The following RBM47 variants were observed in gnomAD, a reference collection of about 807,000 sequenced individuals.
The protein encoded by RBM47 is RNA binding motif protein 47.
In RBM47, 21 loss-of-function variants were observed where a neutral mutation model predicts 47.1. The ratio of observed to expected loss-of-function variants is 0.45; its 90% CI spans 0.32 to 0.64. The LOEUF (loss-of-function observed/expected upper bound fraction) is 0.64, where lower values mean the gene tolerates loss of function less well. RBM47 is among the 30% of genes least tolerant of loss of function. The pLI, the probability that RBM47 is intolerant of heterozygous loss-of-function variation, is 0.05. For synonymous variants in RBM47, 375 were observed against 361.7 expected, an observed-to-expected ratio of 1.04 and a Z score of -0.42; for missense variants, 708 against 870.9, an observed-to-expected ratio of 0.81 and a Z score of 2.35.
intron 2 of RBM47, among the ~76,000 whole-genome samples, chr4:40,537,860 T>G (rs1425673821): frequency 1.3e-5 from 2 of 151,476 alleles, no homozygotes; most frequent in Non-Finnish European, 2.9e-5. Flanking sequence ...TTAGATGCGA[T>G]GTCACTGTTT....
At chr4:40,470,505 C>A (rs2154236151) in intron 2 of RBM47, among the ~76,000 whole-genome samples, 1 of 152,244 alleles carries the variant, frequency 6.6e-6, no homozygotes, top group South Asian at 2.1e-4. Flanking sequence ...CTATTTGTGT[C>A]TTGACGTGTC....
chr4:40,610,766 T>C (rs1348205639), intron 1 of RBM47, among the ~76,000 whole-genome samples: 1 of 152,072 alleles, frequency 6.6e-6, no homozygotes, highest in Non-Finnish European at 1.5e-5. Flanking sequence ...AATTGAATCA[T>C]GGGGGCCGGT....
intron 3 of RBM47, among the ~76,000 whole-genome samples, chr4:40,452,646 T>C (rs1049591773): frequency 4.6e-5 from 7 of 152,096 alleles, no homozygotes; most frequent in African/African-American, 1.4e-4. Context: ...ATCTACCGTC[T>C]ATTATAAACA....
intron 1 of RBM47, among the ~76,000 whole-genome samples, chr4:40,620,300 G>A (rs1001542881): frequency 4.6e-5 from 7 of 151,704 alleles, no homozygotes; most frequent in Non-Finnish European, 1.0e-4. Flanking sequence ...GAGGTCAGGA[G>A]TTCGAGACCA....
At chr4:40,577,521 A>G (rs1732454508) in intron 1 of RBM47, among the ~76,000 whole-genome samples, 1 of 151,014 alleles carries the variant, frequency 6.6e-6, no homozygotes, top group South Asian at 2.1e-4. Flanking sequence ...TATAATGGGT[A>G]CCTGGTTAGA....
chr4:40,566,839 C>T (rs945643026), intron 1 of RBM47, among the ~76,000 whole-genome samples: 5 of 151,992 alleles, frequency 3.3e-5, no homozygotes, highest in Non-Finnish European at 7.4e-5. Context: ...AGAGCAGTAG[C>T]TACCTCATAA....
chr4:40,473,834 A>G (rs1450211863), intron 2 of RBM47, among the ~76,000 whole-genome samples: 4 of 152,230 alleles, frequency 2.6e-5, no homozygotes, highest in Non-Finnish European at 5.9e-5. Flanking sequence ...ACCTAACAAA[A>G]TTATCCACCT....
At chr4:40,437,142 T>TATATATATATAATAC (rs1712726145) in intron 4 of RBM47, among the ~76,000 whole-genome samples, 2 of 61,248 alleles carry the variant, frequency 3.3e-5, no homozygotes, top group African/African-American at 1.1e-4. Flanking sequence ...AAAATACATA[T>TATATATATATAATAC]ATATATATAA....
chr4:40,491,533 A>T (rs578184589), intron 2 of RBM47, among the ~76,000 whole-genome samples: 22 of 152,244 alleles, frequency 1.4e-4, no homozygotes, highest in Non-Finnish European at 2.6e-4. Context: ...GACACCATTA[A>T]GAAAGGAAAG....
At chr4:40,525,340 C>G (rs1726593998) in intron 2 of RBM47, among the ~76,000 whole-genome samples, 1 of 152,160 alleles carries the variant, frequency 6.6e-6, no homozygotes, top group Non-Finnish European at 1.5e-5. Context: ...CACCTGTAGT[C>G]CCAGCTACTT....
At chr4:40,546,585 G>A (rs1175713008) in intron 1 of RBM47, among the ~76,000 whole-genome samples, 1 of 152,128 alleles carries the variant, frequency 6.6e-6, no homozygotes, top group Non-Finnish European at 1.5e-5. Context: ...ACTGGGCTAT[G>A]CTAACTCCTG....
intron 2 of RBM47, among the ~76,000 whole-genome samples, chr4:40,520,945 T>G (rs1347289546): frequency 6.6e-6 from 1 of 152,206 alleles, no homozygotes; most frequent in African/African-American, 2.4e-5. Flanking sequence ...TTAAAAATAC[T>G]AACATATTTC....
intron 2 of RBM47, among the ~76,000 whole-genome samples, chr4:40,529,365 A>T (rs1727125922): frequency 6.6e-6 from 1 of 151,760 alleles, no homozygotes; most frequent in Non-Finnish European, 1.5e-5. Flanking sequence ...TAAAAATAAA[A>T]ATTAGCTGGG....
At chr4:40,578,522 C>T (rs1732553968) in intron 1 of RBM47, among the ~76,000 whole-genome samples, 1 of 152,154 alleles carries the variant, frequency 6.6e-6, no homozygotes, top group Non-Finnish European at 1.5e-5. Flanking sequence ...AATAAATGGC[C>T]TCCCTCTGCC....
chr4:40,573,149 T>C (rs1430138780), intron 1 of RBM47, among the ~76,000 whole-genome samples: 2 of 112,364 alleles, frequency 1.8e-5, no homozygotes, highest in African/African-American at 8.8e-5. Context: ...CAAGACTTCA[T>C]CTCAAAAAAA....
chr4:40,444,463 T>C (rs1459779240), intron 3 of RBM47, among the ~76,000 whole-genome samples: 1 of 151,868 alleles, frequency 6.6e-6, no homozygotes, highest in African/African-American at 2.4e-5. Context: ...GCTGCTTTTA[T>C]ACTACAATGG....
intron 1 of RBM47, among the ~76,000 whole-genome samples, chr4:40,597,027 G>A (rs748646211): frequency 4.6e-5 from 7 of 152,292 alleles, no homozygotes; most frequent in East Asian, 1.9e-4. Flanking sequence ...TTAGGAGGCC[G>A]AGGCAGGCAG....
At chr4:40,534,937 A>C (rs6810679) in intron 2 of RBM47, among the ~76,000 whole-genome samples, 1 of 117,732 alleles carries the variant, frequency 8.5e-6, no homozygotes, top group Admixed American at 8.1e-5. Context: ...TCCGTCTCAG[A>C]AAAAAAAAAA....
chr4:40,464,548 G>A (rs555839265), intron 3 of RBM47, among the ~76,000 whole-genome samples: 23 of 151,978 alleles, frequency 1.5e-4, no homozygotes, highest in Non-Finnish European at 2.2e-4. Context: ...AGTTGACAAC[G>A]GGTAACTGAA....
Sources: allele counts gnomAD v4.1 joint callset (sites outside exome capture counted in the v4.1 genomes callset), GRCh38; gene constraint gnomAD v4.1.1; transcripts MANE v1.5; gene names NCBI Gene and HGNC (gene_info 2026-07-23, HGNC 2026-07-21).